The following MAP7 variants were observed in gnomAD, a reference collection of about 807,000 sequenced individuals.
The protein encoded by MAP7 is ensconsin.
Under a neutral mutation model 94.8 loss-of-function variants are expected in MAP7, and 52 were observed. That is an observed-to-expected ratio of 0.55 (90% confidence interval 0.44 to 0.69). The LOEUF (loss-of-function observed/expected upper bound fraction) is 0.69. Ranked by LOEUF, MAP7 falls within the 30% of genes least tolerant of loss-of-function variation. The pLI, the probability that MAP7 is intolerant of heterozygous loss-of-function variation, is 0.00. For synonymous variants in MAP7, 350 were observed against 357.0 expected, an observed-to-expected ratio of 0.98 and a Z score of 0.22; for missense variants, 940 against 964.6, an observed-to-expected ratio of 0.97 and a Z score of 0.34.
In MAP7 at chr6:136,345,930, A is replaced by T; in HGVS notation, c.2165T>A (p.Ile722Asn). The part of the protein sequence containing the change: ...SESPEIPLNP[I>N]LAFDDEGTLG... ...TGTCCCTTCATCATCAAAGGCCAAA[A>T]TTGGATTCAAAGGAATTTCTGGGCT... The change falls in exon 17 of 18, where the codon ATT becomes AAT. Residue 722 changes from isoleucine (I) to asparagine (N), a missense_variant. Physicochemically the swap from Ile to Asn is moderately radical, Grantham distance 149. Coordinates refer to ENST00000354570, the MANE Select transcript of MAP7 (RefSeq NM_003980.6). 1 of 1,614,138 alleles carries T rather than the reference A, an allele frequency of 6.2e-7. No homozygotes were observed. Among genetic ancestry groups the T allele is most frequent in the Non-Finnish European group, 8.5e-7 (1 of 1,180,026 alleles).
chr6:136,377,509 A>G (rs2128621802), intron 7 of MAP7, among the ~76,000 whole-genome samples: 1 of 152,338 alleles, frequency 6.6e-6, no homozygotes, highest in East Asian at 1.9e-4. Context: ...AACAGACAGA[A>G]GCCTCTGAAG....
At position 136,434,077 on chromosome 6, in the gene MAP7, C is replaced by G. The variant is rs576172376; in HGVS notation, c.68-12278G>C. ...ACCACAGCACTTTGGGGTGCCAGGG[C>G]GAGTGGATCGCTGAGCTCAGGAGTT... On this transcript the variant is annotated intron_variant, in intron 1 of 17. Transcript: ENST00000354570. 4.1e-3 allele frequency among the ~76,000 whole-genome samples: 624 copies of G among 152,096 alleles called. 1 individual carries two copies. The highest frequency in any genetic ancestry group is 6.5e-3 in the Non-Finnish European group (441 of 67,984).
Position 136,365,874 on chromosome 6 carries a change from C to T in MAP7, c.1134G>A (p.Val378=). 6.2e-7 allele frequency: 1 copy of T among 1,614,162 alleles called. No homozygotes were observed. Among genetic ancestry groups the T allele is most frequent in the South Asian group, 1.1e-5 (1 of 91,080 alleles). The part of the protein sequence containing the change: ...NIRPVKREVK[V]EPEKKDPEKE... ...TCTCAGGATCTTTCTTCTCAGGCTCCACTTTGACTTCCCTCTTGACAGGGC... is the reference window on the plus strand; with the variant it reads ...TCTCAGGATCTTTCTTCTCAGGCTCTACTTTGACTTCCCTCTTGACAGGGC... Residue 378 remains valine, a synonymous_variant, in exon 10 of 18, where the codon GTG becomes GTA. Transcript: ENST00000354570.
chr6:136,458,534 A>G lies in MAP7; in HGVS notation c.68-36735T>C, dbSNP rs1221582236. ...CTATTTCAAAGTAGATTACAAAGCT[A>G]TAGTAATCCCAACAGTATGGTAATG... On this transcript the variant is annotated intron_variant, in intron 1 of 17. Coordinates refer to ENST00000354570, the MANE Select transcript of MAP7 (RefSeq NM_003980.6). Among the ~76,000 whole-genome samples the G allele has an allele frequency of 2.0e-5, 3 of 152,186 alleles. No individual in the cohort carries two copies. The East Asian group carries it at 5.8e-4, about 29-fold the overall frequency.
intron 1 of MAP7, chr6:136,526,007 TAAAAATATATGCTTATG>T (rs1827745077): frequency 2.7e-6 from 4 of 1,486,088 alleles, no homozygotes; most frequent in Admixed American, 5.3e-5. Context: ...GTGATTATAT[TAAAAATATATGCTTATG>T]TAATTGCAGC....
Position 136,466,300 on chromosome 6 carries a change from T to C in MAP7, c.68-44501A>G, listed in dbSNP as rs115154963. On this transcript the variant is annotated intron_variant, in intron 1 of 17. Transcript: ENST00000354570. ...AAAAGCAACCATTTTTCAAAAACCC[T>C]GATCTGATCTAGACACAAATATTAA... is the stretch of plus-strand genomic sequence containing the variant. Among the ~76,000 whole-genome samples the C allele has an allele frequency of 5.4e-3, 815 of 152,294 alleles. 10 individuals carry two copies. The highest frequency in any genetic ancestry group is 0.019 in the African/African-American group (776 of 41,572).
chr6:136,405,192 C>T (rs1785219653), intron 3 of MAP7, among the ~76,000 whole-genome samples: 1 of 152,170 alleles, frequency 6.6e-6, no homozygotes, highest in Non-Finnish European at 1.5e-5. Context: ...GTTCTAGATA[C>T]TAAGCTACAG....
In MAP7 at chr6:136,365,945, T is replaced by C. The variant is rs541295645; in HGVS notation, c.1063A>G (p.Lys355Glu). ...GGCCGGACCTGAGCAGGAGCAGCTT[T>C]GACTGAGCCGGGTGGCAAGGAGGAT... ...PTSSLPPGSV[K>E]AAPAQVRPPS... Residue 355 changes from lysine (K) to glutamate (E), a missense_variant, in exon 10 of 18, where the codon AAA becomes GAA. By Grantham distance (56) the Lys-to-Glu change is moderately conservative. Transcript: ENST00000354570. The C allele has an allele frequency of 1.2e-5, 20 of 1,614,014 alleles. No individual in the cohort carries two copies. In the East Asian group the frequency reaches 4.0e-4, roughly 32 times the overall value.
At position 136,366,579 on chromosome 6, in the gene MAP7, C is replaced by G. The variant is rs576913968; in HGVS notation, c.877-140G>C. ...TATGTCACATATACCCATTCCATCT[C>G]AACAAAAGGCCCTTGTTAGCTTAAC... On this transcript the variant is annotated intron_variant, in intron 8 of 17. Coordinates refer to ENST00000354570, the MANE Select transcript of MAP7 (RefSeq NM_003980.6). 5.9e-4 allele frequency: 374 copies of G among 628,868 alleles called. 1 individual carries two copies. The highest frequency in any genetic ancestry group is 9.2e-4 in the Non-Finnish European group (327 of 354,482). The allele number at this position is 628,868 out of a possible 1,614,324, so 39.0% of individuals were successfully genotyped here.
intron 1 of MAP7, among the ~76,000 whole-genome samples, chr6:136,540,810 C>A (rs1290504333): frequency 6.6e-6 from 1 of 152,174 alleles, no homozygotes; most frequent in Non-Finnish European, 1.5e-5. Flanking sequence ...TGACTCCCAT[C>A]CTGCAAGATT....
chr6:136,488,221 G>A (rs929947734), intron 1 of MAP7, among the ~76,000 whole-genome samples: 1 of 151,988 alleles, frequency 6.6e-6, no homozygotes, highest in Non-Finnish European at 1.5e-5. Flanking sequence ...AAGTTTTATG[G>A]TAGTAGTGAC....
At chr6:136,365,704 G>A (rs1332674837) in intron 10 of MAP7, 31 bp downstream of exon 10, 2 of 1,596,666 alleles carry the variant, frequency 1.3e-6, no homozygotes, top group African/African-American at 1.3e-5. Flanking sequence ...AAAAGAGAGA[G>A]CACCCAGACC....
chr6:136,356,572 C>T, intron 16 of MAP7, 120 bp downstream of exon 16: 3 of 736,464 alleles, frequency 4.1e-6, no homozygotes, highest in Non-Finnish European at 2.3e-6. Context: ...CTAGCTCAAC[C>T]AAAAATCAAT....
intron 1 of MAP7, among the ~76,000 whole-genome samples, chr6:136,435,640 T>G (rs1457243795): frequency 6.6e-6 from 1 of 152,182 alleles, no homozygotes; most frequent in African/African-American, 2.4e-5. Flanking sequence ...TGGAAAACCT[T>G]AGAAAAATTT....
At chr6:136,395,071 T>A (rs1211960139) in intron 3 of MAP7, among the ~76,000 whole-genome samples, 1 of 150,538 alleles carries the variant, frequency 6.6e-6, no homozygotes, top group African/African-American at 2.4e-5. Context: ...TTCCTTTCTT[T>A]GGGCTATATA....
At chr6:136,424,222 G>C (rs1251505490) in intron 1 of MAP7, among the ~76,000 whole-genome samples, 2 of 150,482 alleles carry the variant, frequency 1.3e-5, no homozygotes, top group Non-Finnish European at 2.9e-5. Context: ...TCATTAACTA[G>C]AAGATAGGAT....
chr6:136,498,535 T>G (rs565890294), intron 1 of MAP7, among the ~76,000 whole-genome samples: 1 of 152,202 alleles, frequency 6.6e-6, no homozygotes, highest in East Asian at 1.9e-4. Context: ...ACTCAGGTGT[T>G]CACATGCACC....
chr6:136,346,590 G>A (rs752964981), intron 16 of MAP7, among the ~76,000 whole-genome samples: 5 of 152,030 alleles, frequency 3.3e-5, no homozygotes, highest in Non-Finnish European at 5.9e-5. Flanking sequence ...TTTTAAATCT[G>A]TCATTTTGTT....
chr6:136,462,737 G>A (rs893263647), intron 1 of MAP7, among the ~76,000 whole-genome samples: 5 of 151,972 alleles, frequency 3.3e-5, no homozygotes, highest in South Asian at 2.1e-4. Context: ...TGAGGTAGGC[G>A]GATCACCTGA....
Sources: gnomAD v4.1 joint callset for allele counts (sites outside exome capture counted in the v4.1 genomes callset) on GRCh38, gnomAD v4.1.1 for gene constraint, MANE v1.5 for transcripts, NCBI Gene and HGNC (gene_info 2026-07-23, HGNC 2026-07-21) for gene names.